Variants in AIPL1 observed in about 807,000 individuals in gnomAD.
The protein encoded by AIPL1 is AIP like 1 HSP90 co-chaperone.
A neutral mutation model predicts 32.9 loss-of-function variants in AIPL1; 23 were observed. The observed-to-expected ratio is 0.70, with a 90% CI of 0.50 to 0.99. AIPL1 has a LOEUF of 0.99. AIPL1 is among the 50% of genes least tolerant of loss of function. The pLI is 0.00. For missense variants in AIPL1, 485 were observed against 506.0 expected, an observed-to-expected ratio of 0.96 and a Z score of 0.40; for synonymous variants, 210 against 209.4, an observed-to-expected ratio of 1.00 and a Z score of -0.02.
At chr17:6,425,993 G>A in intron 5 of AIPL1, 163 bp from the exon 6 acceptor site, 1 of 1,089,816 alleles carries the variant, frequency 9.2e-7, no homozygotes, top group Non-Finnish European at 1.3e-6. Flanking sequence ...AGATGGAGAT[G>A]ATGATCATAA....
At position 6,426,356 on chromosome 17, in the gene AIPL1, C is replaced by T. The variant is rs957908165; in HGVS notation, c.784+259G>A. 67 of 1,411,724 alleles carry T rather than the reference C, an allele frequency of 4.7e-5. No homozygotes were observed. In the Middle Eastern group the frequency reaches 7.9e-4, roughly 17 times the overall value. 87.4% of individuals were successfully genotyped at this position (1,411,724 alleles called of 1,614,324 possible). On this transcript the variant is annotated intron_variant, in intron 5 of 5. Coordinates refer to ENST00000381129, the MANE Select transcript of AIPL1 (RefSeq NM_014336.5). ...CCCTCTTTTTTAAACGCCTGTTTAC[C>T]GTTCCGCTGAAATCACAAGCTTGGC... is the stretch of plus-strand genomic sequence containing the variant.
intron 2 of AIPL1, among the ~76,000 whole-genome samples, chr17:6,429,900 GA>G (rs558084859): frequency 1.3e-3 from 196 of 152,260 alleles, no homozygotes; most frequent in African/African-American, 4.5e-3. Context: ...GAGATAGATA[GA>G]AGATGATGGA....
intron 2 of AIPL1, among the ~76,000 whole-genome samples, chr17:6,430,492 C>T (rs1412767290): frequency 6.7e-6 from 1 of 149,646 alleles, no homozygotes; most frequent in East Asian, 2.0e-4. Context: ...AGTTACCAGC[C>T]TGTGATATGG....
intron 5 of AIPL1, 72 bp from the exon 6 acceptor site, chr17:6,425,902 C>A: frequency 1.3e-6 from 2 of 1,543,370 alleles, no homozygotes; most frequent in African/African-American, 1.4e-5. Flanking sequence ...CCAGCTGGGA[C>A]TCACCAGCCT....
intron 2 of AIPL1, among the ~76,000 whole-genome samples, chr17:6,429,986 G>C (rs931842381): frequency 1.3e-5 from 2 of 152,064 alleles, no homozygotes; most frequent in African/African-American, 4.8e-5. Context: ...ATGATGCCCG[G>C]GCAGGTGGGT....
At chr17:6,430,599 T>G (rs1330576289) in intron 2 of AIPL1, among the ~76,000 whole-genome samples, 3 of 152,116 alleles carry the variant, frequency 2.0e-5, no homozygotes, top group Non-Finnish European at 2.9e-5. Flanking sequence ...CAACAGCTTG[T>G]GGTTTTGCAA....
Position 6,426,766 on chromosome 17 carries a change from GAGA to G in AIPL1, c.643-13_643-11del. On this transcript the variant is annotated splice_polypyrimidine_tract_variant and intron_variant, in intron 4 of 5. Coordinates refer to ENST00000381129, the MANE Select transcript of AIPL1 (RefSeq NM_014336.5). ...CCTCCCATGGCTTCTCCTGCCCAGG[GAGA>G]AGGTCAGCCATGACCTCAGGCAGCT... is the stretch of plus-strand genomic sequence containing the variant. 1 of 1,613,258 alleles carries G rather than the reference GAGA, an allele frequency of 6.2e-7. No individual in the cohort carries two copies.
rs1026476052 is a variant in AIPL1 at position 6,431,979 on chromosome 17, A to C, written c.276+1940T>G. On this transcript the variant is annotated intron_variant, in intron 2 of 5. Coordinates refer to ENST00000381129, the MANE Select transcript of AIPL1 (RefSeq NM_014336.5). ...AATTTATCAAAAATGTGGGGAATAG[A>C]GGAGCATGTTAGACAATTCCATGGC... 2.0e-5 allele frequency among the ~76,000 whole-genome samples: 3 copies of C among 152,244 alleles called. No individual in the cohort carries two copies. In the East Asian group the frequency reaches 5.8e-4, roughly 29 times the overall value.
intron 2 of AIPL1, 72 bp from the exon 3 acceptor site, chr17:6,428,578 C>T: frequency 7.1e-7 from 1 of 1,413,234 alleles, no homozygotes; most frequent in African/African-American, 1.4e-5. Flanking sequence ...AAGGCCTCCA[C>T]TCAGAGCCCC....
At chr17:6,426,432 G>A (rs1597327113) in intron 5 of AIPL1, 183 bp downstream of exon 5, 15 of 1,458,300 alleles carry the variant, frequency 1.0e-5, no homozygotes, top group South Asian at 9.7e-5. Flanking sequence ...GGGCCGCCCC[G>A]CGCCAAGCAC....
chr17:6,432,633 CCT>C (rs1912711025), intron 2 of AIPL1, among the ~76,000 whole-genome samples: 1 of 124,910 alleles, frequency 8.0e-6, no homozygotes, highest in East Asian at 2.0e-4. Flanking sequence ...TCTTTAATAT[CCT>C]CTTTTTTTTT....
chr17:6,428,866 T>C (rs1912276651), intron 2 of AIPL1, among the ~76,000 whole-genome samples: 1 of 152,204 alleles, frequency 6.6e-6, no homozygotes, highest in South Asian at 2.1e-4. Context: ...CTGGCCCTTG[T>C]GGTCCACTGT....
rs1438795410 is a variant in AIPL1, at chr17:6,425,317, T to G, written c.*143A>C. The G allele has an allele frequency of 9.2e-7, 1 of 1,088,108 alleles. No individual in the cohort carries two copies. The highest frequency in any genetic ancestry group is 1.3e-6 in the Non-Finnish European group (1 of 793,962). The allele number at this position is 1,088,108 out of a possible 1,614,324, so 67.4% of individuals were successfully genotyped here. A position where few individuals can be genotyped will look rare whatever the true frequency, so the allele number is the denominator to read the frequency against. On this transcript the variant is annotated 3_prime_UTR_variant, in exon 6 of 6. Coordinates refer to ENST00000381129, the MANE Select transcript of AIPL1 (RefSeq NM_014336.5). ...TGTACCCTTGGGATTGTTTTTTTTT[T>G]TTTTTTTACCATGGGTGTGTCTGAC...
At chr17:6,430,466 A>AAAAC (rs1036526131) in intron 2 of AIPL1, among the ~76,000 whole-genome samples, 10 of 149,126 alleles carry the variant, frequency 6.7e-5, no homozygotes, top group Non-Finnish European at 1.5e-4. Context: ...CAAAAAAAAA[A>AAAAC]AAAAAAAAAA....
In AIPL1 at chr17:6,434,014, T is replaced by G; in HGVS notation, c.181A>C (p.Ile61Leu). 1 of 1,613,682 alleles carries G rather than the reference T, an allele frequency of 6.2e-7. No individual in the cohort carries two copies. The highest frequency in any genetic ancestry group is 2.2e-5 in the East Asian group (1 of 44,872). ...DSRQVGQPMH[I>L]IIGNMFKLEV... ...AGCTTGAACATGTTTCCGATGATGA[T>G]GTGCATGGGCTGGCCCACCTGCCGA... Residue 61 changes from isoleucine (I) to leucine (L), a missense_variant, in exon 2 of 6, where the codon ATC becomes CTC. By Grantham distance (5) the Ile-to-Leu change is conservative (BLOSUM62 2). Transcript: ENST00000381129.
At chr17:6,434,480 T>C (rs1289713378) in intron 1 of AIPL1, among the ~76,000 whole-genome samples, 1 of 151,500 alleles carries the variant, frequency 6.6e-6, no homozygotes, top group Non-Finnish European at 1.5e-5. Context: ...TGCCTCAGTC[T>C]CCTGAGTATC....
In AIPL1 at chr17:6,425,705, C is replaced by G. The variant is rs746116735; in HGVS notation, c.910G>C (p.Glu304Gln). Residue 304 changes from glutamate to glutamine, a missense_variant, in exon 6 of 6, where the codon GAG becomes CAG. Transcript: ENST00000381129. Reference sequence around the variant, plus strand: ...ATGCGGTTCTCCAGCAGCCTCAGCTCCCTGCGCACCGCCTTCTGCATGGAC... The same window carrying G: ...ATGCGGTTCTCCAGCAGCCTCAGCTGCCTGCGCACCGCCTTCTGCATGGAC... ...EPSMQKAVRR[E>Q]LRLLENRMAE... The G allele has an allele frequency of 2.6e-5, 42 of 1,608,232 alleles. No homozygotes were observed. The South Asian group carries it at 4.6e-4, about 18-fold the overall frequency.
rs542629659 is a variant in AIPL1, at chr17:6,428,181, G to T, written c.465+137C>A. The stretch of plus-strand genomic sequence containing the variant: ...TTTTTTCAAATTCGTATTCTCCCAT[G>T]GCTTATGAACCCTCTCGTATTATCT... On this transcript the variant is annotated intron_variant, in intron 3 of 5. Coordinates refer to ENST00000381129, the MANE Select transcript of AIPL1 (RefSeq NM_014336.5). 1.3e-4 allele frequency: 127 copies of T among 995,752 alleles called. No individual in the cohort carries two copies. The African/African-American group carries it at 1.9e-3, about 15-fold the overall frequency. The allele number at this position is 995,752 out of a possible 1,614,324, so 61.7% of individuals were successfully genotyped here.
chr17:6,427,414 C>T (rs1189919307), intron 3 of AIPL1, among the ~76,000 whole-genome samples: 2 of 152,240 alleles, frequency 1.3e-5, no homozygotes, highest in Admixed American at 6.5e-5. Context: ...TGCCGGTGCA[C>T]CTTGTGCAGT....
Sources: gnomAD v4.1 joint callset for allele counts (sites outside exome capture counted in the v4.1 genomes callset) on GRCh38, gnomAD v4.1.1 for gene constraint, MANE v1.5 for transcripts, NCBI Gene and HGNC (gene_info 2026-07-23, HGNC 2026-07-21) for gene names.